The following STAU2 variants were observed in gnomAD, a reference collection of about 807,000 sequenced individuals.
STAU2 encodes double-stranded RNA-binding protein Staufen homolog 2.
A neutral mutation model predicts 65.9 loss-of-function variants in STAU2; 20 were observed. The observed-to-expected ratio is 0.30, with a 90% CI of 0.21 to 0.44. STAU2 has a LOEUF of 0.44. Among genes scored for constraint, STAU2 ranks in the 20% least tolerant of loss-of-function variants. The pLI is 1.00. For missense variants in STAU2, 558 were observed against 683.9 expected (o/e 0.82, Z 2.05); for synonymous variants, 232 against 233.9 (o/e 0.99, Z 0.07).
chr8:73,674,525 G>T (rs1467305030), intron 5 of STAU2, among the ~76,000 whole-genome samples: 1 of 151,732 alleles, frequency 6.6e-6, no homozygotes, highest in Non-Finnish European at 1.5e-5. Flanking sequence ...CTAATTGATT[G>T]GTGGCCCTAA....
intron 5 of STAU2, among the ~76,000 whole-genome samples, chr8:73,676,333 C>G (rs923877279): frequency 2.6e-5 from 4 of 152,268 alleles, no homozygotes; most frequent in African/African-American, 7.2e-5. Context: ...ATAAATGGTG[C>G]TGGATTAAAT....
chr8:73,534,903 T>C (rs1169261016), intron 13 of STAU2, among the ~76,000 whole-genome samples: 3 of 152,238 alleles, frequency 2.0e-5, no homozygotes, highest in African/African-American at 7.2e-5. Flanking sequence ...AATAAATGAA[T>C]GAAATTACAT....
chr8:73,543,155 A>C (rs4738383), intron 13 of STAU2, among the ~76,000 whole-genome samples: 5,389 of 152,334 alleles, frequency 0.035, 269 homozygotes, highest in Admixed American at 0.13. Flanking sequence ...TGAGTGAAAG[A>C]TGCCAGATAC....
chr8:73,715,399 T>C (rs1409115611), intron 3 of STAU2, among the ~76,000 whole-genome samples: 3 of 142,838 alleles, frequency 2.1e-5, no homozygotes, highest in Non-Finnish European at 1.5e-5. Flanking sequence ...GAAGTTGCAG[T>C]GAACCGAGAT....
At chr8:73,635,951 C>CACACACACA (rs35939277) in intron 6 of STAU2, among the ~76,000 whole-genome samples, 5 of 54,662 alleles carry the variant, frequency 9.1e-5, no homozygotes, top group African/African-American at 2.8e-4. Context: ...CACACACACA[C>CACACACACA]CCCTGGAACC....
At chr8:73,519,871 G>A (rs1822949738) in intron 13 of STAU2, among the ~76,000 whole-genome samples, 1 of 152,212 alleles carries the variant, frequency 6.6e-6, no homozygotes, top group Non-Finnish European at 1.5e-5. Context: ...AACATGAAGA[G>A]ATCTTGGGAG....
intron 6 of STAU2, 111 bp downstream of exon 6, chr8:73,672,996 A>C (rs983693858): frequency 1.9e-6 from 2 of 1,034,690 alleles, no homozygotes; most frequent in Non-Finnish European, 2.6e-6. Flanking sequence ...TTCCATGCAC[A>C]ATGCCCAAGG....
At chr8:73,616,581 G>A (rs572266357) in intron 7 of STAU2, among the ~76,000 whole-genome samples, 4 of 152,096 alleles carry the variant, frequency 2.6e-5, no homozygotes, top group Admixed American at 6.5e-5. Flanking sequence ...GGCAAATCAC[G>A]AGGTCAAGAG....
At chr8:73,637,200 A>T (rs1814589093) in intron 6 of STAU2, among the ~76,000 whole-genome samples, 1 of 151,732 alleles carries the variant, frequency 6.6e-6, no homozygotes, top group African/African-American at 2.4e-5. Flanking sequence ...ACAGAAGGAG[A>T]GGAGGAAAAG....
chr8:73,548,551 T>C (rs1337956939), intron 13 of STAU2, among the ~76,000 whole-genome samples: 3 of 152,236 alleles, frequency 2.0e-5, no homozygotes, highest in African/African-American at 4.8e-5. Flanking sequence ...GTGAATTATA[T>C]TTGAAAAGGA....
intron 13 of STAU2, among the ~76,000 whole-genome samples, chr8:73,531,222 C>A (rs1001683918): frequency 6.7e-6 from 1 of 149,504 alleles, no homozygotes; most frequent in African/African-American, 2.5e-5. Flanking sequence ...GAATGGCTTG[C>A]AATGGAAGGG....
chr8:73,517,095 A>T (rs1465811201), intron 13 of STAU2, among the ~76,000 whole-genome samples: 1 of 152,138 alleles, frequency 6.6e-6, no homozygotes, highest in Non-Finnish European at 1.5e-5. Flanking sequence ...TTTAGAGGGG[A>T]CACTAAGAAT....
At chr8:73,606,026 G>GAAAAAGA (rs1333299163) in intron 9 of STAU2, among the ~76,000 whole-genome samples, 33 of 146,856 alleles carry the variant, frequency 2.2e-4, no homozygotes, top group Middle Eastern at 6.9e-3. Context: ...AAAAGAAAAA[G>GAAAAAGA]AAAAAAAAAT....
chr8:73,463,034 C>A (rs1819455889), intron 13 of STAU2, among the ~76,000 whole-genome samples: 1 of 152,238 alleles, frequency 6.6e-6, no homozygotes, highest in African/African-American at 2.4e-5. Context: ...GCCTGCCGGC[C>A]TCTCCACTTG....
intron 12 of STAU2, among the ~76,000 whole-genome samples, chr8:73,580,949 C>A (rs562821025): frequency 6.6e-6 from 1 of 152,130 alleles, no homozygotes; most frequent in African/African-American, 2.4e-5. Flanking sequence ...AAGCATTAAC[C>A]GTCTGGTTAA....
At chr8:73,588,103 T>A (rs1458144952) in intron 11 of STAU2, among the ~76,000 whole-genome samples, 1 of 152,186 alleles carries the variant, frequency 6.6e-6, no homozygotes, top group African/African-American at 2.4e-5. Flanking sequence ...CCACTTTTCC[T>A]TAGAATCTGG....
At chr8:73,719,086 T>A (rs1297210135) in intron 3 of STAU2, among the ~76,000 whole-genome samples, 1 of 152,186 alleles carries the variant, frequency 6.6e-6, no homozygotes, top group African/African-American at 2.4e-5. Flanking sequence ...AAAGTGGACA[T>A]CCCGTCTTCT....
chr8:73,607,145 G>C (rs1812079952), intron 9 of STAU2, among the ~76,000 whole-genome samples: 1 of 152,146 alleles, frequency 6.6e-6, no homozygotes, highest in African/African-American at 2.4e-5. Flanking sequence ...GTCACTCTAT[G>C]TCAATTATAC....
At chr8:73,623,996 G>A (rs930083358) in intron 6 of STAU2, among the ~76,000 whole-genome samples, 1 of 152,230 alleles carries the variant, frequency 6.6e-6, no homozygotes, top group Admixed American at 6.5e-5. Context: ...ATTACTGTAA[G>A]TATGTTTTAA....
Sources: gnomAD v4.1 joint callset for allele counts (sites outside exome capture counted in the v4.1 genomes callset) on GRCh38, gnomAD v4.1.1 for gene constraint, MANE v1.5 for transcripts, NCBI Gene and HGNC (gene_info 2026-07-23, HGNC 2026-07-21) for gene names.